The following CDH12 variants were observed in gnomAD, a reference collection of about 807,000 sequenced individuals.
CDH12 encodes the protein cadherin-12.
CDH12 carries 41 observed loss-of-function variants against 74.1 expected under a neutral mutation model. That is an observed-to-expected ratio of 0.55 (90% confidence interval 0.43 to 0.72). CDH12 has a LOEUF of 0.72. Ranked by LOEUF, CDH12 falls within the 30% of genes least tolerant of loss-of-function variation. The probability of loss-of-function intolerance (pLI) is 0.00; values close to 1 mark genes in which losing one functional copy is unlikely to be tolerated. For synonymous variants in CDH12, 399 were observed against 355.0 expected (o/e 1.12, Z -1.39); for missense variants, 945 against 977.2 (o/e 0.97, Z 0.44).
At chr5:22,394,077 T>C (rs1742355582) in intron 3 of CDH12, among the ~76,000 whole-genome samples, 1 of 152,126 alleles carries the variant, frequency 6.6e-6, no homozygotes, top group African/African-American at 2.4e-5. Context: ...CCTGTACAAA[T>C]TGCAAAGAAT....
intron 3 of CDH12, among the ~76,000 whole-genome samples, chr5:22,365,249 T>TA (rs774434661): frequency 5.3e-5 from 8 of 152,174 alleles, no homozygotes; most frequent in Non-Finnish European, 1.0e-4. Context: ...GACATATTAG[T>TA]ACAGCTCAAG....
intron 1 of CDH12, among the ~76,000 whole-genome samples, chr5:22,719,507 C>A (rs2126987033): frequency 6.6e-6 from 1 of 152,204 alleles, no homozygotes; most frequent in East Asian, 1.9e-4. Flanking sequence ...CATGTGACTG[C>A]AAATGTGTGT....
At chr5:22,659,605 C>T (rs1379693401) in intron 1 of CDH12, among the ~76,000 whole-genome samples, 2 of 151,740 alleles carry the variant, frequency 1.3e-5, no homozygotes, top group East Asian at 3.9e-4. Flanking sequence ...ACTTGAATAC[C>T]ACTTTATCAC....
chr5:21,849,467 T>C (rs7717688), intron 7 of CDH12, among the ~76,000 whole-genome samples: 147,579 of 151,860 alleles, frequency 0.97, 71,800 homozygotes, highest in Non-Finnish European at 1. Context: ...AAATAGGTAA[T>C]AATATGTGCT....
intron 1 of CDH12, among the ~76,000 whole-genome samples, chr5:22,544,727 G>C (rs1361291044): frequency 6.6e-6 from 1 of 151,824 alleles, no homozygotes; most frequent in Admixed American, 6.6e-5. Flanking sequence ...TGAAGAACAA[G>C]CACTACTTGA....
At chr5:22,549,927 G>C (rs1447307468) in intron 1 of CDH12, among the ~76,000 whole-genome samples, 3 of 152,138 alleles carry the variant, frequency 2.0e-5, no homozygotes, top group African/African-American at 7.2e-5. Context: ...GCTGTTCCTA[G>C]TTTGTTGTTT....
chr5:22,337,326 A>AT (rs1456536874), intron 3 of CDH12, among the ~76,000 whole-genome samples: 1 of 152,098 alleles, frequency 6.6e-6, no homozygotes, highest in Non-Finnish European at 1.5e-5. Flanking sequence ...TTGGGGGACT[A>AT]TTAGGAAGGC....
At chr5:22,596,811 T>C (rs1736627660) in intron 1 of CDH12, among the ~76,000 whole-genome samples, 1 of 152,204 alleles carries the variant, frequency 6.6e-6, no homozygotes, top group Non-Finnish European at 1.5e-5. Context: ...AAACAATAGA[T>C]CAGACATGTC....
chr5:22,575,888 A>G (rs1449692158), intron 1 of CDH12, among the ~76,000 whole-genome samples: 1 of 150,682 alleles, frequency 6.6e-6, no homozygotes, highest in Admixed American at 6.6e-5. Context: ...TATTATATTT[A>G]TTTATTTGCT....
At position 21,783,339 on chromosome 5, in the gene CDH12, C is replaced by T. The variant is rs930538619; in HGVS notation, c.1393+19G>A. The T allele has an allele frequency of 6.2e-7, 1 of 1,605,178 alleles. No homozygotes were observed. Among genetic ancestry groups the T allele is most frequent in the African/African-American group, 1.3e-5 (1 of 74,706 alleles). ...AAAGAACTGCAGTATAACATTGATT[C>T]TGTCCATGCCATACTTACTAACTTT... On this transcript the variant is annotated intron_variant, in intron 11 of 14. Transcript: ENST00000382254.
At chr5:22,345,637 G>A (rs1267303482) in intron 3 of CDH12, among the ~76,000 whole-genome samples, 1 of 152,140 alleles carries the variant, frequency 6.6e-6, no homozygotes, top group Non-Finnish European at 1.5e-5. Flanking sequence ...AGTTCTATTT[G>A]AGTGTTCTTG....
chr5:21,951,538 G>A (rs1030919588), intron 6 of CDH12, among the ~76,000 whole-genome samples: 14 of 152,172 alleles, frequency 9.2e-5, no homozygotes, highest in Middle Eastern at 3.2e-3. Context: ...GTAAGTCATC[G>A]TGCCCAGCTA....
At chr5:22,073,453 G>A (rs1009348662) in intron 5 of CDH12, among the ~76,000 whole-genome samples, 2 of 152,158 alleles carry the variant, frequency 1.3e-5, no homozygotes. Context: ...TCATGTTGGT[G>A]TGTGTATGCA....
intron 6 of CDH12, among the ~76,000 whole-genome samples, chr5:21,973,904 A>G (rs1236148359): frequency 6.6e-6 from 1 of 152,150 alleles, no homozygotes; most frequent in East Asian, 1.9e-4. Context: ...GGCAACCCCA[A>G]AAGTGTAGCA....
chr5:22,698,693 A>AG lies in CDH12; in HGVS notation c.-523+154364_-523+154365insC, dbSNP rs1427556798. On this transcript the variant is annotated intron_variant, in intron 1 of 14. Coordinates refer to ENST00000382254, the MANE Select transcript of CDH12 (RefSeq NM_004061.5). Reference sequence around the variant, plus strand: ...AATCCCCAGATATATATATATATATATATATATATATATATATATATATAT... The same window carrying AG: ...AATCCCCAGATATATATATATATATAGTATATATATATATATATATATATAT... Among the ~76,000 whole-genome samples the AG allele has an allele frequency of 1.4e-3, 10 of 7,206 alleles. 1 individual carries two copies. Among genetic ancestry groups the AG allele is most frequent in the Non-Finnish European group, 2.5e-3 (10 of 3,938 alleles). 4.7% of individuals were successfully genotyped at this position (7,206 alleles called of 152,430 possible). A position where few individuals can be genotyped will look rare whatever the true frequency, so the allele number is the denominator to read the frequency against.
intron 4 of CDH12, among the ~76,000 whole-genome samples, chr5:22,194,937 A>G (rs1750537443): frequency 6.6e-6 from 1 of 152,080 alleles, no homozygotes; most frequent in Admixed American, 6.6e-5. Context: ...GCACCTTGGG[A>G]GTTTCACAAA....
chr5:22,377,447 C>T (rs1741580018), intron 3 of CDH12, among the ~76,000 whole-genome samples: 2 of 152,264 alleles, frequency 1.3e-5, no homozygotes, highest in East Asian at 3.9e-4. Flanking sequence ...AATAGGATGG[C>T]TTCCAGCACA....
intron 1 of CDH12, among the ~76,000 whole-genome samples, chr5:22,574,433 A>G (rs543124036): frequency 6.6e-6 from 1 of 151,984 alleles, no homozygotes; most frequent in East Asian, 1.9e-4. Context: ...ACACTCCCTT[A>G]CACTGTGCCA....
chr5:22,727,604 C>T, intron 1 of CDH12, among the ~76,000 whole-genome samples: 1 of 151,572 alleles, frequency 6.6e-6, no homozygotes, highest in East Asian at 1.9e-4. Context: ...CTCTAGAGTT[C>T]CTTTAGGAGA....
Sources: allele counts gnomAD v4.1 joint callset (sites outside exome capture counted in the v4.1 genomes callset), GRCh38; gene constraint gnomAD v4.1.1; transcripts MANE v1.5; gene names NCBI Gene and HGNC (gene_info 2026-07-23, HGNC 2026-07-21).